RANBP2: variants seen among roughly 807,000 people sequenced by gnomAD.
RANBP2 encodes RAN binding protein 2.
A neutral mutation model predicts 303.6 loss-of-function variants in RANBP2; 57 were observed. The ratio of observed to expected loss-of-function variants is 0.19; its 90% confidence interval spans 0.15 to 0.23. The LOEUF is 0.23. Among genes scored for constraint, RANBP2 ranks in the 10% least tolerant of loss-of-function variants. The pLI is 1.00. For missense variants in RANBP2, 3,138 were observed against 3,780.8 expected, an observed-to-expected ratio of 0.83 and a Z score of 4.46; for synonymous variants, 1,167 against 1,301.5, an observed-to-expected ratio of 0.90 and a Z score of 2.23.
At chr2:109,129,762 A>G in the RANBP2 span, 3 of 1,539,570 alleles carry the variant, frequency 1.9e-6, no homozygotes, top group Non-Finnish European at 2.6e-6. Context: ...TGCCATGCCA[A>G]CACACTTTCT....
chr2:109,306,898 T>C, the RANBP2 span, among the ~76,000 whole-genome samples: 46,953 of 151,800 alleles, frequency 0.31, 8,900 homozygotes, highest in African/African-American at 0.54. Context: ...CGGTGTACGG[T>C]AGGGCCGCGG....
the RANBP2 span, among the ~76,000 whole-genome samples, chr2:108,921,000 T>TA: frequency 6.6e-6 from 1 of 152,088 alleles, no homozygotes; most frequent in Non-Finnish European, 1.5e-5. Flanking sequence ...CCAAACTTGT[T>TA]AAAAATGTAC....
At chr2:108,838,176 GC>G in the RANBP2 span, among the ~76,000 whole-genome samples, 1 of 152,086 alleles carries the variant, frequency 6.6e-6, no homozygotes, top group Non-Finnish European at 1.5e-5. Flanking sequence ...AAGGGGTCTG[GC>G]TCTGAATTGG....
chr2:109,419,339 G>T, the RANBP2 span, among the ~76,000 whole-genome samples: 1 of 152,306 alleles, frequency 6.6e-6, no homozygotes, highest in African/African-American at 2.4e-5. Flanking sequence ...AGGGGCTCTT[G>T]AAAATCACCT....
the RANBP2 span, among the ~76,000 whole-genome samples, chr2:109,517,872 C>T: frequency 8.5e-5 from 13 of 152,308 alleles, no homozygotes; most frequent in African/African-American, 2.2e-4. Context: ...TAACGACGCC[C>T]GAGGTCTTTG....
At chr2:109,621,095 A>G in the RANBP2 span, among the ~76,000 whole-genome samples, 2 of 152,246 alleles carry the variant, frequency 1.3e-5, no homozygotes, top group African/African-American at 2.4e-5. Flanking sequence ...AACTTAGGAT[A>G]AAGTTAACCA....
the RANBP2 span, among the ~76,000 whole-genome samples, chr2:109,723,767 T>C: frequency 6.6e-6 from 1 of 152,226 alleles, no homozygotes; most frequent in African/African-American, 2.4e-5. Context: ...AGCTCTTTAG[T>C]TTAATTAGAT....
At chr2:108,831,558 A>G in the RANBP2 span, among the ~76,000 whole-genome samples, 1 of 152,222 alleles carries the variant, frequency 6.6e-6, no homozygotes, top group African/African-American at 2.4e-5. Flanking sequence ...TTTGCTGTGA[A>G]GAAACTGAAA....
chr2:109,428,770 G>A, the RANBP2 span, among the ~76,000 whole-genome samples: 12 of 152,192 alleles, frequency 7.9e-5, no homozygotes, highest in Non-Finnish European at 1.2e-4. Context: ...GGCTGGTCTC[G>A]AGTGTTATGG....
the RANBP2 span, among the ~76,000 whole-genome samples, chr2:108,932,779 A>G: frequency 6.6e-6 from 1 of 152,156 alleles, no homozygotes; most frequent in African/African-American, 2.4e-5. Flanking sequence ...TGTGTTTTTA[A>G]CACATAAACC....
the RANBP2 span, among the ~76,000 whole-genome samples, chr2:108,867,644 T>A: frequency 3.7e-4 from 56 of 152,334 alleles, no homozygotes; most frequent in African/African-American, 1.3e-3. Flanking sequence ...TGAAAAAAAA[T>A]ACTGAAGAGG....
chr2:109,575,035 A>T, the RANBP2 span, among the ~76,000 whole-genome samples: 15 of 152,224 alleles, frequency 9.9e-5, no homozygotes, highest in Non-Finnish European at 1.6e-4. Context: ...ATCCCAATAA[A>T]CCTATCATAA....
chr2:108,941,744 T>C, the RANBP2 span, among the ~76,000 whole-genome samples: 1 of 152,192 alleles, frequency 6.6e-6, no homozygotes, highest in Non-Finnish European at 1.5e-5. Flanking sequence ...TCCTAGGATG[T>C]GTATTATGCT....
the RANBP2 span, among the ~76,000 whole-genome samples, chr2:108,983,350 A>C: frequency 1.3e-5 from 2 of 152,220 alleles, no homozygotes; most frequent in Non-Finnish European, 1.5e-5. Flanking sequence ...CCATATTTTT[A>C]AGGATTAGGA....
the RANBP2 span, among the ~76,000 whole-genome samples, chr2:108,923,079 C>A: frequency 1.3e-5 from 2 of 152,144 alleles, no homozygotes; most frequent in African/African-American, 2.4e-5. Flanking sequence ...GATGTTAGTA[C>A]CCCCATATTA....
At chr2:109,079,709 C>G in the RANBP2 span, among the ~76,000 whole-genome samples, 1 of 152,218 alleles carries the variant, frequency 6.6e-6, no homozygotes, top group African/African-American at 2.4e-5. Flanking sequence ...AGACAGCACA[C>G]ACACACATAA....
the RANBP2 span, among the ~76,000 whole-genome samples, chr2:109,399,653 A>G: frequency 6.6e-6 from 1 of 152,238 alleles, no homozygotes; most frequent in Non-Finnish European, 1.5e-5. Flanking sequence ...GATTAAAAAA[A>G]TTTTTAAATA....
chr2:109,612,761 A>G, the RANBP2 span, among the ~76,000 whole-genome samples: 2 of 152,322 alleles, frequency 1.3e-5, no homozygotes, highest in East Asian at 1.9e-4. Context: ...GGGGGTCCAG[A>G]CAGAAAATTT....
At chr2:109,574,869 AAC>A in the RANBP2 span, 6 of 725,886 alleles carry the variant, frequency 8.3e-6, no homozygotes, top group Non-Finnish European at 1.0e-5. Context: ...CTAATTAATA[AAC>A]AGTTAATATC....
Sources: gnomAD v4.1 joint callset for allele counts (sites outside exome capture counted in the v4.1 genomes callset) on GRCh38, gnomAD v4.1.1 for gene constraint, MANE v1.5 for transcripts, NCBI Gene and HGNC (gene_info 2026-07-23, HGNC 2026-07-21) for gene names.